The following PPP2R5A variants were observed in gnomAD, a reference collection of about 807,000 sequenced individuals.
The protein encoded by PPP2R5A is protein phosphatase 2 regulatory subunit B'alpha.
In PPP2R5A, 25 loss-of-function variants were observed where a neutral mutation model predicts 64.2. The observed-to-expected ratio is 0.39, with a 90% confidence interval of 0.28 to 0.54. PPP2R5A has a LOEUF of 0.54. Among genes scored for constraint, PPP2R5A ranks in the 20% least tolerant of loss-of-function variants. The pLI, the probability that PPP2R5A is intolerant of heterozygous loss-of-function variation, is 0.67. For missense variants in PPP2R5A, 425 were observed against 576.3 expected, an observed-to-expected ratio of 0.74 and a Z score of 2.69; for synonymous variants, 198 against 201.2, an observed-to-expected ratio of 0.98 and a Z score of 0.13.
rs773997076 is a variant in PPP2R5A, at chr1:212,286,099, A to G, written c.-12A>G. The G allele has an allele frequency of 5.2e-6, 8 of 1,551,120 alleles. No individual in the cohort carries two copies. In the South Asian group the frequency reaches 7.1e-5, roughly 14 times the overall value. On this transcript the variant is annotated 5_prime_UTR_variant, in exon 1 of 13. Coordinates refer to ENST00000261461, the MANE Select transcript of PPP2R5A (RefSeq NM_006243.4). ...GCAGCAGCCGGAGCTGCCAAGCGTC[A>G]GGGCCGCGGAGATGTCGTCGTCGTC...
In PPP2R5A at chr1:212,286,243, C is replaced by CGCAGCCAGG. The variant is rs973374142; in HGVS notation, c.143_151dup (p.Gly48_Gln50dup). On this transcript the variant is annotated inframe_insertion, in exon 1 of 13. Transcript: ENST00000261461. ...GCGCTCCCAGGGCTCGTCGCAGTTT[C>CGCAGCCAGG]GCAGCCAGGGCAGCCAGGCAGAGCT... 6.4e-7 allele frequency: 1 copy of CGCAGCCAGG among 1,554,126 alleles called. No homozygotes were observed. The highest frequency in any genetic ancestry group is 1.4e-5 in the African/African-American group (1 of 71,920).
intron 1 of PPP2R5A, among the ~76,000 whole-genome samples, chr1:212,316,587 CTTTTTT>C (rs751228809): frequency 1.1e-3 from 40 of 36,690 alleles, no homozygotes; most frequent in East Asian, 5.2e-3. Flanking sequence ...TTGTGGGTGA[CTTTTTT>C]TTTTTTTTTT....
At chr1:212,295,767 GA>G (rs1658682070) in intron 1 of PPP2R5A, among the ~76,000 whole-genome samples, 9 of 152,206 alleles carry the variant, frequency 5.9e-5, no homozygotes, top group Admixed American at 5.9e-4. Context: ...AGTAAGAACT[GA>G]AAAGTTTCCG....
chr1:212,302,826 ATGGAATATTATAATATGTC>A (rs1658823265), intron 1 of PPP2R5A, among the ~76,000 whole-genome samples: 1 of 152,208 alleles, frequency 6.6e-6, no homozygotes, highest in Admixed American at 6.5e-5. Context: ...TTTCATGTGA[ATGGAATATTATAATATGTC>A]GTCTTTTGTA....
chr1:212,321,334 C>G (rs1253284616), intron 1 of PPP2R5A, among the ~76,000 whole-genome samples: 3 of 147,518 alleles, frequency 2.0e-5, no homozygotes, highest in Non-Finnish European at 3.0e-5. Context: ...CCCCCCACCT[C>G]CCTTCCGGAC....
chr1:212,325,286 A>C (rs1659386214), intron 1 of PPP2R5A, among the ~76,000 whole-genome samples: 1 of 152,176 alleles, frequency 6.6e-6, no homozygotes, highest in Non-Finnish European at 1.5e-5. Context: ...ATCCTGACCT[A>C]CCTAAGGGAA....
rs148623825 is a variant in PPP2R5A at position 212,296,013 on chromosome 1, G to C, written c.181+9722G>C. Reference sequence around the variant, plus strand: ...ACAAGTTAGGAGATTAATAAGCCAGGTAAGACTTTATGTGACTTGGGCCTG... The same window carrying C: ...ACAAGTTAGGAGATTAATAAGCCAGCTAAGACTTTATGTGACTTGGGCCTG... On this transcript the variant is annotated intron_variant, in intron 1 of 12. Coordinates refer to ENST00000261461, the MANE Select transcript of PPP2R5A (RefSeq NM_006243.4). Among the ~76,000 whole-genome samples, 8 of 152,230 alleles carry C rather than the reference G, an allele frequency of 5.3e-5. No homozygotes were observed. In the East Asian group the frequency reaches 1.5e-3, roughly 29 times the overall value.
chr1:212,309,134 G>A (rs79503849), intron 1 of PPP2R5A: 11 of 1,032,560 alleles, frequency 1.1e-5, no homozygotes, highest in South Asian at 6.4e-5. Context: ...CCATCAGGCC[G>A]AATCAGGGTG....
rs751763905 is a variant in PPP2R5A, at chr1:212,286,155, C to A, written c.45C>A (p.Ile15=). The A allele has an allele frequency of 1.2e-5, 19 of 1,589,140 alleles. No individual in the cohort carries two copies. Among genetic ancestry groups the A allele is most frequent in the Non-Finnish European group, 1.6e-5 (19 of 1,169,766 alleles). Residue 15 remains isoleucine, a synonymous_variant, in exon 1 of 13, where the codon ATC becomes ATA. Coordinates refer to ENST00000261461, the MANE Select transcript of PPP2R5A (RefSeq NM_006243.4). ...SPPAGAASAA[I]SASEKVDGFT... ...CGGCGGGGGCTGCCAGCGCCGCCAT[C>A]TCGGCCTCGGAGAAAGTGGACGGCT...
chr1:212,298,894 C>T (rs1658745492), intron 1 of PPP2R5A, among the ~76,000 whole-genome samples: 1 of 41,658 alleles, frequency 2.4e-5, no homozygotes, highest in Non-Finnish European at 4.5e-5. Flanking sequence ...CCCCCACCTC[C>T]CTCCCGGACT....
intron 1 of PPP2R5A, among the ~76,000 whole-genome samples, chr1:212,311,653 T>G (rs1659036471): frequency 6.6e-6 from 1 of 152,090 alleles, no homozygotes; most frequent in Non-Finnish European, 1.5e-5. Flanking sequence ...GGAGGTATTC[T>G]AGAAGATGTG....
chr1:212,347,312 AT>A, intron 5 of PPP2R5A, 34 bp from the exon 6 acceptor site: 1 of 1,458,392 alleles, frequency 6.9e-7, no homozygotes, highest in Non-Finnish European at 9.5e-7. Flanking sequence ...CTGAAGTTTG[AT>A]TTTGATTACA....
rs1250139286 is a variant in PPP2R5A, at chr1:212,319,944, ATTGT to A, written c.182-9188_182-9185del. On this transcript the variant is annotated intron_variant, in intron 1 of 12. Transcript: ENST00000261461. The stretch of plus-strand genomic sequence containing the variant: ...AGCCTATGTGTTCTTTTTCTTACAG[ATTGT>A]TTTTTTTTTTTTTTTTTTTTATTGA... Among the ~76,000 whole-genome samples the A allele has an allele frequency of 1.0e-4, 10 of 99,680 alleles. No individual in the cohort carries two copies. The South Asian group carries it at 1.5e-3, about 15-fold the overall frequency. 65.4% of individuals were successfully genotyped at this position (99,680 alleles called of 152,430 possible).
chr1:212,286,040 T>C lies in PPP2R5A; in HGVS notation c.-71T>C. On this transcript the variant is annotated 5_prime_UTR_variant, in exon 1 of 13. Transcript: ENST00000261461. ...CACCCCGCGCCTCTCCCCCGCCTCC[T>C]CCTGCCGTCTCCGCCGCTGCCCGTG... 7.0e-7 allele frequency: 1 copy of C among 1,427,150 alleles called. No homozygotes were observed. The highest frequency in any genetic ancestry group is 9.2e-7 in the Non-Finnish European group (1 of 1,092,584). 88.4% of individuals were successfully genotyped at this position (1,427,150 alleles called of 1,614,324 possible). A position where few individuals can be genotyped will look rare whatever the true frequency, so the allele number is the denominator to read the frequency against.
intron 1 of PPP2R5A, among the ~76,000 whole-genome samples, chr1:212,307,950 T>C (rs1214568661): frequency 6.6e-6 from 1 of 152,102 alleles, no homozygotes; most frequent in Non-Finnish European, 1.5e-5. Flanking sequence ...GCTCAAGTTA[T>C]CTTCTTGCCT....
intron 12 of PPP2R5A, among the ~76,000 whole-genome samples, chr1:212,360,349 G>A (rs749065868): frequency 6.6e-6 from 1 of 152,156 alleles, no homozygotes; most frequent in African/African-American, 2.4e-5. Context: ...GAAAATTGAC[G>A]TGTAAGTACT....
At chr1:212,309,250 A>C in intron 1 of PPP2R5A, 1 of 1,501,342 alleles carries the variant, frequency 6.7e-7, no homozygotes, top group Non-Finnish European at 9.2e-7. Context: ...GTTGTCTTCT[A>C]TCTTCTTCAT....
intron 11 of PPP2R5A, 39 bp from the exon 12 acceptor site, chr1:212,358,647 G>A: frequency 7.1e-7 from 1 of 1,417,508 alleles, no homozygotes; most frequent in Non-Finnish European, 9.9e-7. Flanking sequence ...CTCTCTGTTA[G>A]CAGTATCATA....
chr1:212,346,274 C>T (rs192128653), intron 5 of PPP2R5A, among the ~76,000 whole-genome samples: 7 of 151,564 alleles, frequency 4.6e-5, no homozygotes, highest in East Asian at 3.9e-4. Flanking sequence ...ATATATGTAA[C>T]GTAGTATATA....
Sources: allele counts gnomAD v4.1 joint callset (sites outside exome capture counted in the v4.1 genomes callset), GRCh38; gene constraint gnomAD v4.1.1; transcripts MANE v1.5; gene names NCBI Gene and HGNC (gene_info 2026-07-23, HGNC 2026-07-21).